Variants in NGFR observed in about 807,000 individuals in gnomAD.
NGFR encodes the protein tumor necrosis factor receptor superfamily member 16.
A neutral mutation model predicts 43.2 loss-of-function variants in NGFR; 30 were observed. That is an observed-to-expected ratio of 0.69 (90% confidence interval 0.52 to 0.94). NGFR has a LOEUF of 0.94. Among genes scored for constraint, NGFR ranks in the 40% least tolerant of loss-of-function variants. The pLI, the probability that NGFR is intolerant of heterozygous loss-of-function variation, is 0.00. For synonymous variants in NGFR, 246 were observed against 259.6 expected, an observed-to-expected ratio of 0.95 and a Z score of 0.50; for missense variants, 529 against 602.5, an observed-to-expected ratio of 0.88 and a Z score of 1.28.
At chr17:49,506,092 C>T (rs780369810) in intron 2 of NGFR, 46 of 996,390 alleles carry the variant, frequency 4.6e-5, no homozygotes, top group African/African-American at 1.3e-4. Flanking sequence ...GGATGCGGCT[C>T]CGGGCCTCCT....
chr17:49,506,265 G>T, intron 2 of NGFR, 34 bp from the exon 3 acceptor site: 1 of 1,517,376 alleles, frequency 6.6e-7, no homozygotes. Context: ...GCCCAAAAGA[G>T]CAGACGACTA....
intron 2 of NGFR, chr17:49,505,859 A>G: frequency 6.0e-6 from 1 of 166,686 alleles, no homozygotes; most frequent in Non-Finnish European, 1.3e-5. Flanking sequence ...ATGAGGCAGG[A>G]GGCTCCCTAG....
rs552714660 is a variant in NGFR, at chr17:49,511,774, G to A, written c.822-118G>A. On this transcript the variant is annotated intron_variant, in intron 4 of 5. Coordinates refer to ENST00000172229, the MANE Select transcript of NGFR (RefSeq NM_002507.4). ...GAGGAGCCTTAGATGGTGGGGTGGC[G>A]GTTATAATTGGGCACCCGCCATGCC... The A allele has an allele frequency of 7.9e-5, 97 of 1,228,010 alleles. 3 individuals are homozygous for A. The South Asian group carries it at 1.3e-3, about 16-fold the overall frequency. The allele number at this position is 1,228,010 out of a possible 1,614,324, so 76.1% of individuals were successfully genotyped here.
chr17:49,503,307 T>C (rs1441161692), intron 2 of NGFR, among the ~76,000 whole-genome samples: 1 of 152,070 alleles, frequency 6.6e-6, no homozygotes, highest in Non-Finnish European at 1.5e-5. Flanking sequence ...TTGTCCAGGG[T>C]CTGAATTCCC....
At chr17:49,506,717 G>A in intron 3 of NGFR, 59 bp downstream of exon 3, 1 of 1,330,896 alleles carries the variant, frequency 7.5e-7, no homozygotes, top group South Asian at 1.5e-5. Context: ...GGGGGCATAA[G>A]GAAGGGCGCT....
In NGFR at chr17:49,512,104, G is replaced by A. The variant is rs1278472273; in HGVS notation, c.982+52G>A. On this transcript the variant is annotated intron_variant, in intron 5 of 5. Transcript: ENST00000172229. This position sits in a 1 kb window ranked among gnomAD's most constrained non-coding sequence, Gnocchi z 5.2. ...AGGCGGAGCTGAGGCTGAGGAAACA[G>A]AAGCAATTAAGATTAGACTCCAGGA... 2.5e-6 allele frequency: 4 copies of A among 1,586,452 alleles called. No homozygotes were observed. The African/African-American group carries it at 4.0e-5, about 16-fold the overall frequency.
rs778091669 is a variant in NGFR, at chr17:49,506,284, G to A, written c.209-15G>A. On this transcript the variant is annotated splice_polypyrimidine_tract_variant and intron_variant, in intron 2 of 5. Coordinates refer to ENST00000172229, the MANE Select transcript of NGFR (RefSeq NM_002507.4). Reference sequence around the variant, plus strand: ...AAAAGAGCAGACGACTAAATCTGGTGTCCGCTGCGCTCAGGCGTGACGTTC... The same window carrying A: ...AAAAGAGCAGACGACTAAATCTGGTATCCGCTGCGCTCAGGCGTGACGTTC... 2 of 1,530,434 alleles carry A rather than the reference G, an allele frequency of 1.3e-6. No individual in the cohort carries two copies. Among genetic ancestry groups the A allele is most frequent in the East Asian group, 2.3e-5 (1 of 43,838 alleles). 94.8% of individuals were successfully genotyped at this position (1,530,434 alleles called of 1,614,324 possible).
Position 49,495,596 on chromosome 17 carries a change from G to T in NGFR, c.66+113G>T. On this transcript the variant is annotated intron_variant, in intron 1 of 5. Transcript: ENST00000172229. The surrounding 1 kb of genome is among the most constrained non-coding windows in gnomAD (Gnocchi z 6.4). The stretch of plus-strand genomic sequence containing the variant: ...GAGCATTGGGGTCCCAGATACTGAG[G>T]GTGGGTGGTGGGAAAGGACCTCTGA... 1 of 923,706 alleles carries T rather than the reference G, an allele frequency of 1.1e-6. No individual in the cohort carries two copies. Among genetic ancestry groups the T allele is most frequent in the Non-Finnish European group, 1.4e-6 (1 of 704,292 alleles). 57.2% of individuals were successfully genotyped at this position (923,706 alleles called of 1,614,324 possible).
chr17:49,500,638 C>T (rs951816017), intron 1 of NGFR, among the ~76,000 whole-genome samples: 3 of 152,164 alleles, frequency 2.0e-5, no homozygotes, highest in African/African-American at 7.2e-5. Context: ...GGAATCTTGC[C>T]TCTTGAGGGA....
intron 3 of NGFR, among the ~76,000 whole-genome samples, chr17:49,509,770 G>A (rs934392537): frequency 6.6e-6 from 1 of 152,192 alleles, no homozygotes; most frequent in Non-Finnish European, 1.5e-5. Flanking sequence ...AGGGCTGGCT[G>A]GAGGGAGGCA....
At chr17:49,507,742 C>T (rs373709357) in intron 3 of NGFR, among the ~76,000 whole-genome samples, 16 of 151,318 alleles carry the variant, frequency 1.1e-4, no homozygotes. Context: ...CCTCAGGTTG[C>T]CTTTACCCTG....
intron 4 of NGFR, among the ~76,000 whole-genome samples, chr17:49,511,345 T>C (rs1017928041): frequency 2.1e-4 from 32 of 152,264 alleles, no homozygotes; most frequent in African/African-American, 7.7e-4. Context: ...CATGGAGGGC[T>C]TTTTAGGCAT....
rs983164188 is a variant in NGFR, at chr17:49,514,106, C to A, written c.*1097C>A. 5.2e-5 allele frequency: 8 copies of A among 152,642 alleles called. No individual in the cohort carries two copies. The highest frequency in any genetic ancestry group is 1.9e-4 in the African/African-American group (8 of 41,456). The allele number at this position is 152,642 out of a possible 1,614,324, so 9.5% of individuals were successfully genotyped here. ...TCTCACTTTTCTCCATGAGTTTTTT[C>A]TCTTGGGCTGAGACTGGATACTGCC... On this transcript the variant is annotated 3_prime_UTR_variant, in exon 6 of 6. Transcript: ENST00000172229.
Position 49,506,602 on chromosome 17 carries a change from A to G in NGFR, c.512A>G (p.Glu171Gly). 1.2e-6 allele frequency: 2 copies of G among 1,605,560 alleles called. No individual in the cohort carries two copies. The highest frequency in any genetic ancestry group is 1.7e-6 in the Non-Finnish European group (2 of 1,176,700). ...CCGTGCCTGCCCTGCACCGTGTGCG[A>G]GGACACCGAGCGCCAGCTCCGCGAG... ...VDPCLPCTVCEDTERQLRECT... is the reference protein window; with the variant it reads ...VDPCLPCTVCGDTERQLRECT... The change falls in exon 3 of 6, where the codon GAG becomes GGG. Residue 171 changes from glutamate to glycine, a missense_variant. Physicochemically the swap from Glu to Gly is moderately conservative, Grantham distance 98. Coordinates refer to ENST00000172229, the MANE Select transcript of NGFR (RefSeq NM_002507.4).
At chr17:49,506,698 G>GCC in intron 3 of NGFR, 40 bp downstream of exon 3, 1 of 423,472 alleles carries the variant, frequency 2.4e-6, no homozygotes, top group Non-Finnish European at 4.0e-6. Flanking sequence ...GGGGGTGCGG[G>GCC]GGTGGGCTGG....
At position 49,502,137 on chromosome 17, in the gene NGFR, C is replaced by T. The variant is rs1163268683; in HGVS notation, c.141C>T (p.Cys47=). ...YTHSGECCKA[C]NLGEGVAQPC... is the part of the protein sequence containing the mutation. ...ACAGCGGTGAGTGCTGCAAAGCCTG[C>T]AACCTGGGCGAGGGTGTGGCCCAGC... The change falls in exon 2 of 6, where the codon TGC becomes TGT. Residue 47 remains cysteine (C), a synonymous_variant. Transcript: ENST00000172229. 1 of 1,612,838 alleles carries T rather than the reference C, an allele frequency of 6.2e-7. No individual in the cohort carries two copies. The highest frequency in any genetic ancestry group is 8.5e-7 in the Non-Finnish European group (1 of 1,179,336).
At position 49,510,638 on chromosome 17, in the gene NGFR, C is replaced by T. The variant is rs11466155; in HGVS notation, c.795C>T (p.Gly265=). The change falls in exon 4 of 6, where the codon GGC becomes GGT. Residue 265 remains glycine, a synonymous_variant. Transcript: ENST00000172229. The part of the protein sequence containing the change: ...YCSILAAVVV[G]LVAYIAFKRW... Reference sequence around the variant, plus strand: ...CCATCCTGGCTGCTGTGGTTGTGGGCCTTGTGGCCTACATAGCCTTCAAGA... The same window carrying T: ...CCATCCTGGCTGCTGTGGTTGTGGGTCTTGTGGCCTACATAGCCTTCAAGA... The T allele has an allele frequency of 0.32, 515,489 of 1,613,500 alleles. 87,523 individuals are homozygous for T. The highest frequency in any genetic ancestry group is 0.45 in the South Asian group (40,944 of 91,048).
At chr17:49,501,315 T>C (rs538241237) in intron 1 of NGFR, among the ~76,000 whole-genome samples, 3 of 152,308 alleles carry the variant, frequency 2.0e-5, no homozygotes, top group Admixed American at 1.3e-4. Context: ...TGTCCCATCA[T>C]TGATAACAGT....
chr17:49,513,506 C>G lies in NGFR; in HGVS notation c.*497C>G, dbSNP rs1335549373. On this transcript the variant is annotated 3_prime_UTR_variant, in exon 6 of 6. Coordinates refer to ENST00000172229, the MANE Select transcript of NGFR (RefSeq NM_002507.4). ...ACCCTCCCTCAGCCCCTCTTGCCCCCCACCCCAGCCTAAGATGAAGAGGAT... is the reference window on the plus strand; with the variant it reads ...ACCCTCCCTCAGCCCCTCTTGCCCCGCACCCCAGCCTAAGATGAAGAGGAT... The G allele has an allele frequency of 1.3e-5, 2 of 156,378 alleles. No homozygotes were observed. Among genetic ancestry groups the G allele is most frequent in the African/African-American group, 4.8e-5 (2 of 41,530 alleles). The allele number at this position is 156,378 out of a possible 1,614,324, so 9.7% of individuals were successfully genotyped here.
Sources: gnomAD v4.1 joint callset for allele counts (sites outside exome capture counted in the v4.1 genomes callset) on GRCh38, gnomAD v4.1.1 for gene constraint, Gnocchi (gnomAD v3.1) non-coding constraint, MANE v1.5 for transcripts, NCBI Gene and HGNC (gene_info 2026-07-23, HGNC 2026-07-21) for gene names.